The following SPAG16 variants were observed in gnomAD, a reference collection of about 807,000 sequenced individuals.
SPAG16 encodes sperm associated antigen 16.
A neutral mutation model predicts 80.4 loss-of-function variants in SPAG16; 86 were observed. The observed-to-expected ratio is 1.07, with a 90% CI of 0.90 to 1.28. The LOEUF is 1.28. SPAG16 is among the 50% of genes most tolerant of loss of function. The pLI, the probability that SPAG16 is intolerant of heterozygous loss-of-function variation, is 0.00. For synonymous variants in SPAG16, 294 were observed against 265.9 expected, an observed-to-expected ratio of 1.11 and a Z score of -1.03; for missense variants, 870 against 765.3, an observed-to-expected ratio of 1.14 and a Z score of -1.61.
At chr2:213,984,340 A>G (rs1559658502) in intron 12 of SPAG16, among the ~76,000 whole-genome samples, 1 of 152,116 alleles carries the variant, frequency 6.6e-6, no homozygotes, top group Non-Finnish European at 1.5e-5. Context: ...ACATATGTCT[A>G]TATACATCCA....
At chr2:213,887,647 A>T (rs1297780684) in intron 11 of SPAG16, among the ~76,000 whole-genome samples, 1 of 151,598 alleles carries the variant, frequency 6.6e-6, no homozygotes, top group African/African-American at 2.4e-5. Flanking sequence ...GATCATAGTA[A>T]TTTTTAGCAA....
At chr2:213,643,348 T>TTATATATA (rs61608932) in intron 10 of SPAG16, among the ~76,000 whole-genome samples, 1 of 39,134 alleles carries the variant, frequency 2.6e-5, no homozygotes, top group Non-Finnish European at 4.7e-5. Flanking sequence ...GATCTTAATT[T>TTATATATA]TATATATATA....
At chr2:213,766,970 G>T (rs1485063543) in intron 10 of SPAG16, among the ~76,000 whole-genome samples, 1 of 152,144 alleles carries the variant, frequency 6.6e-6, no homozygotes, top group Non-Finnish European at 1.5e-5. Context: ...CCATGGTCAG[G>T]CCTGAAAAAT....
chr2:214,317,663 AG>A (rs1455714128), intron 15 of SPAG16, among the ~76,000 whole-genome samples: 1 of 152,246 alleles, frequency 6.6e-6, no homozygotes, highest in Non-Finnish European at 1.5e-5. Flanking sequence ...TAACAATGTC[AG>A]GGTTCTGGTT....
intron 15 of SPAG16, chr2:214,239,103 A>T (rs1689284586): frequency 6.6e-6 from 1 of 152,154 alleles, no homozygotes; most frequent in Non-Finnish European, 1.5e-5. Flanking sequence ...CAGTCAGAGC[A>T]TATTGCAGCC....
chr2:214,166,643 T>C (rs2056667870), intron 15 of SPAG16, among the ~76,000 whole-genome samples: 1 of 152,190 alleles, frequency 6.6e-6, no homozygotes, highest in African/African-American at 2.4e-5. Flanking sequence ...CCTTCATTAA[T>C]AAGTCTCTTT....
intron 12 of SPAG16, among the ~76,000 whole-genome samples, chr2:213,932,155 T>C (rs2078776469): frequency 1.4e-4 from 1 of 6,946 alleles, no homozygotes; most frequent in African/African-American, 3.3e-4. Context: ...TGCATATATA[T>C]ATATATATAT....
At chr2:213,376,866 T>A (rs921166153) in intron 9 of SPAG16, among the ~76,000 whole-genome samples, 2 of 152,188 alleles carry the variant, frequency 1.3e-5, no homozygotes, top group African/African-American at 4.8e-5. Context: ...TAACTAGAAC[T>A]GTAGAGGAGG....
intron 10 of SPAG16, among the ~76,000 whole-genome samples, chr2:213,588,691 A>G (rs1439829099): frequency 6.6e-6 from 1 of 150,744 alleles, no homozygotes; most frequent in African/African-American, 2.4e-5. Context: ...AGTCCCAGCT[A>G]CTCGGGAGGC....
At chr2:213,642,138 C>T (rs973081870) in intron 10 of SPAG16, among the ~76,000 whole-genome samples, 3 of 152,178 alleles carry the variant, frequency 2.0e-5, no homozygotes, top group Non-Finnish European at 4.4e-5. Flanking sequence ...TGTTTGGGGG[C>T]AGACTTTCCA....
At chr2:213,842,990 G>T (rs2074438054) in intron 10 of SPAG16, among the ~76,000 whole-genome samples, 1 of 152,092 alleles carries the variant, frequency 6.6e-6, no homozygotes, top group Non-Finnish European at 1.5e-5. Flanking sequence ...GGCTGGTTTT[G>T]AACACCTATA....
intron 15 of SPAG16, among the ~76,000 whole-genome samples, chr2:214,368,876 A>C (rs533035689): frequency 2.0e-5 from 3 of 152,114 alleles, no homozygotes; most frequent in Admixed American, 1.3e-4. Context: ...CCTATATCTT[A>C]ATTTTACAAT....
rs79589269 is a variant in SPAG16, at chr2:213,897,891, C to T, written c.1215-32069C>T. ...GATGAAAACAATAGCAATCATCCTC[C>T]TATAAAAAGGATTTCCTATCTTTGG... On this transcript the variant is annotated intron_variant, in intron 11 of 15. Transcript: ENST00000331683. 8.2e-3 allele frequency among the ~76,000 whole-genome samples: 1,242 copies of T among 152,248 alleles called. 9 individuals carry two copies. The highest frequency in any genetic ancestry group is 0.012 in the Non-Finnish European group (830 of 67,998).
intron 15 of SPAG16, among the ~76,000 whole-genome samples, chr2:214,263,671 C>A (rs1691343266): frequency 6.6e-6 from 1 of 152,158 alleles, no homozygotes; most frequent in Admixed American, 6.6e-5. Flanking sequence ...ATATGGACAA[C>A]TCCTTAGCAC....
rs531792961 is a variant in SPAG16, at chr2:214,062,359, C to T, written c.1528-45837C>T. On this transcript the variant is annotated intron_variant, in intron 13 of 15. Transcript: ENST00000331683. The stretch of plus-strand genomic sequence containing the variant: ...TCTTGAACCCAGTAGGCAGAGGTTG[C>T]AGTGAGCTGAGATCGTGCCACTGCA... 2.1e-3 allele frequency among the ~76,000 whole-genome samples: 286 copies of T among 137,958 alleles called. 2 individuals carry two copies. The highest frequency in any genetic ancestry group is 7.6e-3 in the African/African-American group (277 of 36,324). 90.5% of individuals were successfully genotyped at this position (137,958 alleles called of 152,430 possible). A position where few individuals can be genotyped will look rare whatever the true frequency, so the allele number is the denominator to read the frequency against.
intron 10 of SPAG16, among the ~76,000 whole-genome samples, chr2:213,824,892 C>CTTT (rs1305517453): frequency 7.2e-5 from 11 of 152,090 alleles, no homozygotes; most frequent in Non-Finnish European, 1.6e-4. Flanking sequence ...TTTTTGTCTC[C>CTTT]TCTTCAGTTT....
intron 13 of SPAG16, among the ~76,000 whole-genome samples, chr2:214,080,597 G>A (rs1321373640): frequency 1.5e-5 from 2 of 137,380 alleles, no homozygotes; most frequent in Non-Finnish European, 3.1e-5. Context: ...GACAGAGCGA[G>A]ACTCTGTCTC....
chr2:213,540,492 T>C (rs1301919337), intron 10 of SPAG16, among the ~76,000 whole-genome samples: 1 of 152,222 alleles, frequency 6.6e-6, no homozygotes, highest in African/African-American at 2.4e-5. Context: ...AATACCTTTA[T>C]ATAAATCAAT....
At chr2:213,627,885 C>T (rs933947459) in intron 10 of SPAG16, among the ~76,000 whole-genome samples, 6 of 152,232 alleles carry the variant, frequency 3.9e-5, no homozygotes, top group African/African-American at 1.4e-4. Context: ...GAGTGCTTCG[C>T]AGCATCACTG....
Sources: gnomAD v4.1 joint callset for allele counts (sites outside exome capture counted in the v4.1 genomes callset) on GRCh38, gnomAD v4.1.1 for gene constraint, MANE v1.5 for transcripts, NCBI Gene and HGNC (gene_info 2026-07-23, HGNC 2026-07-21) for gene names.